The following LHFPL6 variants were observed in gnomAD, a reference collection of about 807,000 sequenced individuals.
The protein encoded by LHFPL6 is LHFPL tetraspan subfamily member 6.
A neutral mutation model predicts 20.6 loss-of-function variants in LHFPL6; 9 were observed. The observed-to-expected ratio is 0.44, with a 90% CI of 0.26 to 0.76. LHFPL6 has a LOEUF of 0.76. LHFPL6 is among the 30% of genes least tolerant of loss of function. The pLI is 0.20. For missense variants in LHFPL6, 218 were observed against 253.5 expected (o/e 0.86, Z 0.95); for synonymous variants, 105 against 98.7 (o/e 1.06, Z -0.38).
Position 39,599,404 on chromosome 13 carries a change from A to T in LHFPL6, c.385+1428T>A, listed in dbSNP as rs533410334. 2.0e-5 allele frequency among the ~76,000 whole-genome samples: 3 copies of T among 152,356 alleles called. No homozygotes were observed. In the East Asian group the frequency reaches 5.8e-4, roughly 29 times the overall value. On this transcript the variant is annotated intron_variant, in intron 2 of 3. Transcript: ENST00000379589. ...TTTCAAACTCTGAATTTACATTTCC[A>T]CTTTCAATGACAACTTCTTTAGGTT...
rs961778317 is a variant in LHFPL6, at chr13:39,417,286, C to A, written c.386-38760G>T. Among the ~76,000 whole-genome samples, 4 of 152,194 alleles carry A rather than the reference C, an allele frequency of 2.6e-5. No homozygotes were observed. The East Asian group carries it at 7.7e-4, about 29-fold the overall frequency. ...ATGTTGCAGAAGAATCTGTGTGAAG[C>A]CCTCAACTGCTCTGACTTGGGTGCC... On this transcript the variant is annotated intron_variant, in intron 2 of 3. Coordinates refer to ENST00000379589, the MANE Select transcript of LHFPL6 (RefSeq NM_005780.3).
chr13:39,562,463 TAC>T (rs374931323), intron 2 of LHFPL6, among the ~76,000 whole-genome samples: 3 of 100,112 alleles, frequency 3.0e-5, no homozygotes, highest in East Asian at 3.7e-4. Flanking sequence ...TATACATATA[TAC>T]ACATATACAC....
At chr13:39,512,351 C>T (rs912588480) in intron 2 of LHFPL6, among the ~76,000 whole-genome samples, 1 of 152,074 alleles carries the variant, frequency 6.6e-6, no homozygotes, top group African/African-American at 2.4e-5. Flanking sequence ...GCCTGTAATC[C>T]CAGCACTTTG....
intron 2 of LHFPL6, among the ~76,000 whole-genome samples, chr13:39,513,489 C>G (rs1036092299): frequency 2.0e-5 from 3 of 152,108 alleles, no homozygotes; most frequent in African/African-American, 7.2e-5. Flanking sequence ...AAGGCTAAAA[C>G]TATACAAAGA....
chr13:39,513,871 T>C (rs1251780662), intron 2 of LHFPL6, among the ~76,000 whole-genome samples: 1 of 152,190 alleles, frequency 6.6e-6, no homozygotes, highest in East Asian at 1.9e-4. Context: ...ATCCCTACCG[T>C]ACTGGATATT....
chr13:39,345,016 G>T (rs1025702356), intron 3 of LHFPL6, among the ~76,000 whole-genome samples: 1 of 152,180 alleles, frequency 6.6e-6, no homozygotes, highest in African/African-American at 2.4e-5. Context: ...GCACAGTAAA[G>T]AAGGCCTCTA....
At chr13:39,517,416 G>C (rs1869961318) in intron 2 of LHFPL6, among the ~76,000 whole-genome samples, 1 of 152,144 alleles carries the variant, frequency 6.6e-6, no homozygotes, top group Non-Finnish European at 1.5e-5. Context: ...TTTACAAATA[G>C]GTACAGGATC....
chr13:39,414,093 T>G (rs1871295720), intron 2 of LHFPL6, among the ~76,000 whole-genome samples: 1 of 152,230 alleles, frequency 6.6e-6, no homozygotes, highest in African/African-American at 2.4e-5. Flanking sequence ...TTTCCAGTGT[T>G]TGATTGCTCA....
chr13:39,344,090 G>C, intron 3 of LHFPL6, 36 bp from the exon 4 acceptor site: 2 of 1,549,432 alleles, frequency 1.3e-6, no homozygotes, highest in Non-Finnish European at 1.8e-6. Context: ...GAAAGTCACA[G>C]ATGAGGATGA....
chr13:39,478,248 A>G (rs1873132219), intron 2 of LHFPL6, among the ~76,000 whole-genome samples: 1 of 152,138 alleles, frequency 6.6e-6, no homozygotes, highest in African/African-American at 2.4e-5. Flanking sequence ...TGATATCTAA[A>G]TAGATATTTT....
intron 2 of LHFPL6, among the ~76,000 whole-genome samples, chr13:39,523,083 T>G (rs1186319642): frequency 6.6e-6 from 1 of 152,244 alleles, no homozygotes; most frequent in African/African-American, 2.4e-5. Context: ...TGTATGACCT[T>G]AGACAATTTA....
At chr13:39,378,556 C>G in intron 2 of LHFPL6, 30 bp from the exon 3 acceptor site, 1 of 1,523,644 alleles carries the variant, frequency 6.6e-7, no homozygotes. Flanking sequence ...GAGGGCTTTA[C>G]CAGTGCTTCT....
chr13:39,497,955 A>G (rs573461787), intron 2 of LHFPL6, among the ~76,000 whole-genome samples: 17 of 152,346 alleles, frequency 1.1e-4, no homozygotes, highest in African/African-American at 4.1e-4. Context: ...TAGTGCTAGT[A>G]TACACTTGTA....
chr13:39,397,739 T>C (rs1404440363), intron 2 of LHFPL6, among the ~76,000 whole-genome samples: 2 of 152,190 alleles, frequency 1.3e-5, no homozygotes, highest in Non-Finnish European at 2.9e-5. Flanking sequence ...GGAAAGAAGC[T>C]CTTTGGAAAG....
chr13:39,582,658 G>A (rs1593373455), intron 2 of LHFPL6, among the ~76,000 whole-genome samples: 3 of 152,302 alleles, frequency 2.0e-5, no homozygotes, highest in Admixed American at 2.0e-4. Context: ...TTCAGGGTCT[G>A]CAGCTGAGTT....
At chr13:39,351,883 T>A (rs1322614268) in intron 3 of LHFPL6, among the ~76,000 whole-genome samples, 6 of 152,198 alleles carry the variant, frequency 3.9e-5, no homozygotes, top group Non-Finnish European at 8.8e-5. Context: ...TCCTTTTTTG[T>A]CTATAAATTT....
At chr13:39,385,223 C>CA (rs539412007) in intron 2 of LHFPL6, among the ~76,000 whole-genome samples, 142 of 152,272 alleles carry the variant, frequency 9.3e-4, no homozygotes, top group Admixed American at 7.9e-3. Flanking sequence ...AAAGAAAAAG[C>CA]AATAATCCAA....
rs145724241 is a variant in LHFPL6, at chr13:39,588,192, T to C, written c.385+12640A>G. ...GAGCAAAACACAGAAGTGTGTGTGCTACATATCATGAGTCCTTGGACTGTA... is the reference window on the plus strand; with the variant it reads ...GAGCAAAACACAGAAGTGTGTGTGCCACATATCATGAGTCCTTGGACTGTA... On this transcript the variant is annotated intron_variant, in intron 2 of 3. Transcript: ENST00000379589. Among the ~76,000 whole-genome samples the C allele has an allele frequency of 7.1e-3, 1,082 of 152,324 alleles. 7 individuals are homozygous for C. Among genetic ancestry groups the C allele is most frequent in the Middle Eastern group, 0.02 (6 of 294 alleles).
chr13:39,454,860 C>T (rs1872532906), intron 2 of LHFPL6, among the ~76,000 whole-genome samples: 1 of 152,038 alleles, frequency 6.6e-6, no homozygotes, highest in Non-Finnish European at 1.5e-5. Flanking sequence ...TATTTTCATC[C>T]AATAGGTCAC....
Sources: gnomAD v4.1 joint callset for allele counts (sites outside exome capture counted in the v4.1 genomes callset) on GRCh38, gnomAD v4.1.1 for gene constraint, MANE v1.5 for transcripts, NCBI Gene and HGNC (gene_info 2026-07-23, HGNC 2026-07-21) for gene names.